ERCC6L2: variants seen among roughly 807,000 people sequenced by gnomAD.
ERCC6L2 encodes the protein DNA excision repair protein ERCC-6-like 2.
ERCC6L2 carries 77 observed loss-of-function variants against 132.0 expected under a neutral mutation model. The ratio of observed to expected loss-of-function variants is 0.58; its 90% CI spans 0.49 to 0.71. The LOEUF is 0.71. Among genes scored for constraint, ERCC6L2 ranks in the 30% least tolerant of loss-of-function variants. The pLI is 0.00. For synonymous variants in ERCC6L2, 583 were observed against 632.4 expected (o/e 0.92, Z 1.17); for missense variants, 1,542 against 1,837.6 (o/e 0.84, Z 2.94).
At chr9:95,935,517 T>C (rs968316047) in intron 11 of ERCC6L2, among the ~76,000 whole-genome samples, 1 of 152,110 alleles carries the variant, frequency 6.6e-6, no homozygotes, top group Non-Finnish European at 1.5e-5. Context: ...GAGGAGTTGT[T>C]CAGAAACATG....
At chr9:96,031,626 G>A (rs1397091065) in intron 19 of ERCC6L2, among the ~76,000 whole-genome samples, 1 of 152,268 alleles carries the variant, frequency 6.6e-6, no homozygotes, top group Non-Finnish European at 1.5e-5. Context: ...GGATCCAGGG[G>A]CTGGGGTGGC....
At chr9:95,888,136 C>A (rs1334290348) in intron 2 of ERCC6L2, among the ~76,000 whole-genome samples, 1 of 150,060 alleles carries the variant, frequency 6.7e-6, no homozygotes, top group Non-Finnish European at 1.5e-5. Flanking sequence ...TCTCTCTGTA[C>A]CTTTGTATCT....
intron 17 of ERCC6L2, among the ~76,000 whole-genome samples, chr9:95,998,451 G>A (rs980102764): frequency 3.9e-5 from 6 of 152,214 alleles, no homozygotes; most frequent in African/African-American, 1.4e-4. Flanking sequence ...TTGGATGTAT[G>A]CAGTTAAGGA....
chr9:95,949,963 C>T (rs980717368), intron 12 of ERCC6L2, among the ~76,000 whole-genome samples: 11 of 149,978 alleles, frequency 7.3e-5, no homozygotes, highest in Admixed American at 6.7e-4. Flanking sequence ...GCCGAGATGC[C>T]GAGATTGTGC....
intron 12 of ERCC6L2, among the ~76,000 whole-genome samples, chr9:95,951,039 CAATG>C (rs1400188264): frequency 4.6e-5 from 7 of 152,252 alleles, no homozygotes; most frequent in Admixed American, 3.3e-4. Flanking sequence ...CTTAAGTACA[CAATG>C]AACACTCTCC....
intron 19 of ERCC6L2, among the ~76,000 whole-genome samples, chr9:96,027,164 C>CCA (rs746621075): frequency 6.0e-5 from 9 of 148,804 alleles, no homozygotes; most frequent in East Asian, 4.0e-4. Context: ...ATGCACCACA[C>CCA]CACACACACA....
rs550559424 is a variant in ERCC6L2 at position 96,017,392 on chromosome 9, G to A, written c.*4189G>A. On this transcript the variant is annotated 3_prime_UTR_variant, in exon 19 of 19. Transcript: ENST00000653738. ...TCTGATAGTTACTCTCTGCCCCTAG[G>A]AGGAAAGACAGATTCGCCCTTCCTT... Among the ~76,000 whole-genome samples, 2 of 152,048 alleles carry A rather than the reference G, an allele frequency of 1.3e-5. No homozygotes were observed. The highest frequency in any genetic ancestry group is 2.9e-5 in the Non-Finnish European group (2 of 67,944).
At chr9:95,877,884 C>T (rs1485006064) in intron 1 of ERCC6L2, among the ~76,000 whole-genome samples, 2 of 151,882 alleles carry the variant, frequency 1.3e-5, no homozygotes, top group Non-Finnish European at 2.9e-5. Flanking sequence ...TGTGTTGGTC[C>T]TGGGGATAAA....
At chr9:95,977,085 T>A (rs1832703943) in intron 16 of ERCC6L2, among the ~76,000 whole-genome samples, 1 of 152,148 alleles carries the variant, frequency 6.6e-6, no homozygotes, top group Non-Finnish European at 1.5e-5. Flanking sequence ...TGTTTGTTTG[T>A]TTTTACTGTG....
intron 17 of ERCC6L2, among the ~76,000 whole-genome samples, chr9:96,002,765 C>T (rs969890232): frequency 1.3e-5 from 2 of 152,096 alleles, no homozygotes; most frequent in African/African-American, 4.8e-5. Context: ...GATGTCTTAT[C>T]CTCTTTCTCT....
chr9:95,978,470 A>G (rs1453991357), intron 17 of ERCC6L2, among the ~76,000 whole-genome samples: 1 of 152,164 alleles, frequency 6.6e-6, no homozygotes, highest in Admixed American at 6.5e-5. Flanking sequence ...ATTGGCCAGT[A>G]CTCCCAAAAT....
At chr9:95,878,162 C>T (rs1827389913) in intron 1 of ERCC6L2, among the ~76,000 whole-genome samples, 1 of 152,194 alleles carries the variant, frequency 6.6e-6, no homozygotes, top group Admixed American at 6.5e-5. Context: ...ACTGGTCTGA[C>T]ACTTTTTTTT....
At chr9:96,018,636 T>C (rs1278285761), downstream of ERCC6L2, among the ~76,000 whole-genome samples, 2 of 22,626 alleles carry the variant, frequency 8.8e-5, no homozygotes, top group Middle Eastern at 0.026. Context: ...AATTTTTGCA[T>C]TTTTTTTTTT....
chr9:95,966,555 G>A lies in ERCC6L2; in HGVS notation c.1948-7G>A, dbSNP rs1587992689. 1 of 1,458,912 alleles carries A rather than the reference G, an allele frequency of 6.9e-7. No individual in the cohort carries two copies. The highest frequency in any genetic ancestry group is 9.2e-7 in the Non-Finnish European group (1 of 1,088,832). The allele number at this position is 1,458,912 out of a possible 1,614,324, so 90.4% of individuals were successfully genotyped here. A position where few individuals can be genotyped will look rare whatever the true frequency, so the allele number is the denominator to read the frequency against. On this transcript the variant is annotated splice_polypyrimidine_tract_variant and splice_region_variant and intron_variant, in intron 13 of 18. Coordinates refer to ENST00000653738, the MANE Select transcript of ERCC6L2 (RefSeq NM_020207.7). ...TTCAAAAATGTCTTGTGTTTTTTCT[G>A]TTTTAGCAACTTCACTGTGTGGTGG...
chr9:96,008,389 T>G (rs975273841), intron 18 of ERCC6L2, among the ~76,000 whole-genome samples: 5 of 152,192 alleles, frequency 3.3e-5, no homozygotes, highest in African/African-American at 9.6e-5. Context: ...GGGGACTCCT[T>G]TGTTGACTGG....
In ERCC6L2 at chr9:95,972,079, C is replaced by T. The variant is rs977997971; in HGVS notation, c.2328C>T (p.Pro776=). 70 of 1,304,060 alleles carry T rather than the reference C, an allele frequency of 5.4e-5. No individual in the cohort carries two copies. The highest frequency in any genetic ancestry group is 6.6e-5 in the Non-Finnish European group (65 of 988,948). The allele number at this position is 1,304,060 out of a possible 1,614,324, so 80.8% of individuals were successfully genotyped here. The change falls in exon 16 of 19, where the codon CCC becomes CCT. Residue 776 remains proline, a synonymous_variant. Coordinates refer to ENST00000653738, the MANE Select transcript of ERCC6L2 (RefSeq NM_020207.7). ...TGIKTAKNKA[P]DSSKASSSPG... is the part of the protein sequence containing the mutation. ...TAAAGACTGCCAAAAACAAAGCACC[C>T]GATTCAAGTAAAGCTTCCAGCTCTC... is the stretch of plus-strand genomic sequence containing the variant.
chr9:95,902,375 A>G (rs1420068649), intron 3 of ERCC6L2, among the ~76,000 whole-genome samples: 1 of 152,128 alleles, frequency 6.6e-6, no homozygotes, highest in Non-Finnish European at 1.5e-5. Context: ...AATTAATGCA[A>G]AAGAGGAGGA....
downstream of ERCC6L2, chr9:96,020,632 C>A: frequency 5.1e-6 from 2 of 392,264 alleles, no homozygotes; most frequent in South Asian, 3.8e-5. Flanking sequence ...AGGGACAAGG[C>A]CCACCGAGGA....
intron 20 of ERCC6L2, among the ~76,000 whole-genome samples, chr9:96,040,154 C>T (rs993881403): frequency 3.3e-5 from 5 of 151,582 alleles, no homozygotes; most frequent in African/African-American, 7.3e-5. Flanking sequence ...ACAGTCCTGC[C>T]CCCCCCCAAG....
Sources: gnomAD v4.1 joint callset for allele counts (sites outside exome capture counted in the v4.1 genomes callset) on GRCh38, gnomAD v4.1.1 for gene constraint, MANE v1.5 for transcripts, NCBI Gene and HGNC (gene_info 2026-07-23, HGNC 2026-07-21) for gene names.